Variants in LRP1B observed in about 807,000 individuals in gnomAD.
LRP1B encodes low-density lipoprotein receptor-related protein 1B.
A neutral mutation model predicts 556.6 loss-of-function variants in LRP1B; 217 were observed. The observed-to-expected ratio is 0.39, with a 90% CI of 0.35 to 0.44. The LOEUF is 0.44. Among genes scored for constraint, LRP1B ranks in the 20% least tolerant of loss-of-function variants. The pLI, the probability that LRP1B is intolerant of heterozygous loss-of-function variation, is 1.00. For synonymous variants in LRP1B, 2,047 were observed against 1,865.8 expected, an observed-to-expected ratio of 1.10 and a Z score of -2.50; for missense variants, 5,053 against 5,620.8, an observed-to-expected ratio of 0.90 and a Z score of 3.23.
intron 41 of LRP1B, among the ~76,000 whole-genome samples, chr2:140,657,618 CATATATACATACAT>C (rs1381113613): frequency 6.1e-5 from 7 of 115,694 alleles, no homozygotes; most frequent in East Asian, 2.2e-4. Context: ...TATATACATA[CATATATACATACAT>C]ATATATACAT....
At chr2:141,269,974 CAT>C (rs1188823596) in intron 3 of LRP1B, among the ~76,000 whole-genome samples, 2 of 152,008 alleles carry the variant, frequency 1.3e-5, no homozygotes, top group Non-Finnish European at 1.5e-5. Context: ...AAATTCCAAA[CAT>C]GTGTAAGTGG....
At chr2:142,064,505 T>C (rs1248756629) in intron 1 of LRP1B, among the ~76,000 whole-genome samples, 1 of 151,550 alleles carries the variant, frequency 6.6e-6, no homozygotes, top group East Asian at 1.9e-4. Context: ...ACTCTCTAAT[T>C]TTAATATCCA....
In LRP1B at chr2:142,105,204, C is replaced by T. The variant is rs77030370; in HGVS notation, c.82+25444G>A. Among the ~76,000 whole-genome samples the T allele has an allele frequency of 6.2e-3, 937 of 152,190 alleles. 10 individuals are homozygous for T. The highest frequency in any genetic ancestry group is 0.021 in the African/African-American group (864 of 41,538). On this transcript the variant is annotated intron_variant, in intron 1 of 90. Coordinates refer to ENST00000389484, the MANE Select transcript of LRP1B (RefSeq NM_018557.3). ...TCATCACTATCCCCAGATGTCCTGC[C>T]AAGGAACGTTTCATTTTATTCTAAA...
chr2:140,605,425 C>T (rs559900494), intron 41 of LRP1B, among the ~76,000 whole-genome samples: 1 of 152,218 alleles, frequency 6.6e-6, no homozygotes, highest in South Asian at 2.1e-4. Context: ...CATAACTGTG[C>T]TCTACTTTAA....
chr2:141,776,036 C>T (rs184616422), intron 2 of LRP1B, among the ~76,000 whole-genome samples: 2 of 151,870 alleles, frequency 1.3e-5, no homozygotes, highest in South Asian at 2.1e-4. Flanking sequence ...TTAGTAGAGA[C>T]GGGGTTTCAC....
intron 86 of LRP1B, among the ~76,000 whole-genome samples, chr2:140,260,652 G>A (rs980936773): frequency 2.0e-5 from 3 of 151,382 alleles, no homozygotes; most frequent in Admixed American, 2.0e-4. Context: ...TTGTTTCTGG[G>A]ATGAAAATCC....
At chr2:141,512,712 A>C (rs1465351473) in intron 2 of LRP1B, among the ~76,000 whole-genome samples, 1 of 152,174 alleles carries the variant, frequency 6.6e-6, no homozygotes, top group East Asian at 1.9e-4. Flanking sequence ...AAGGTGAGAA[A>C]AGCACTGTTA....
At chr2:141,462,497 G>T (rs6429883) in intron 3 of LRP1B, among the ~76,000 whole-genome samples, 35,684 of 150,918 alleles carry the variant, frequency 0.24, 5,303 homozygotes, top group East Asian at 0.52. Flanking sequence ...CTGTTGGGGG[G>T]TGGGGGTCAA....
At chr2:140,974,909 G>A (rs1696545574) in intron 18 of LRP1B, among the ~76,000 whole-genome samples, 1 of 152,192 alleles carries the variant, frequency 6.6e-6, no homozygotes, top group Non-Finnish European at 1.5e-5. Flanking sequence ...GAAATTGTGT[G>A]GTTCCTGAGA....
intron 1 of LRP1B, among the ~76,000 whole-genome samples, chr2:142,091,818 G>A (rs918196762): frequency 6.6e-5 from 10 of 152,206 alleles, no homozygotes; most frequent in East Asian, 1.9e-4. Flanking sequence ...TTGCAGCTAC[G>A]GATGAGCATG....
chr2:141,749,393 A>G (rs973043734), intron 2 of LRP1B, among the ~76,000 whole-genome samples: 2 of 152,162 alleles, frequency 1.3e-5, no homozygotes, highest in Non-Finnish European at 2.9e-5. Flanking sequence ...CAGAAACAAC[A>G]CAAGTCAAGA....
intron 18 of LRP1B, 84 bp downstream of exon 18, chr2:140,982,076 A>G (rs201554808): frequency 9.2e-7 from 1 of 1,086,166 alleles, no homozygotes; most frequent in East Asian, 2.4e-5. Context: ...ATAAAGAAAT[A>G]AATAGCCCTT....
At chr2:141,001,320 CT>C (rs57164437) in intron 15 of LRP1B, among the ~76,000 whole-genome samples, 147,718 of 151,510 alleles carry the variant, frequency 0.97, 72,115 homozygotes, top group Middle Eastern at 1. Flanking sequence ...AGCTGTCCAT[CT>C]TTTTTTTTTG....
At chr2:140,927,583 G>T (rs1200362071) in intron 20 of LRP1B, among the ~76,000 whole-genome samples, 7 of 151,440 alleles carry the variant, frequency 4.6e-5, no homozygotes, top group African/African-American at 1.7e-4. Context: ...TGTTCAGCCT[G>T]TTTGTTTTCT....
chr2:140,716,223 T>C (rs916384819), intron 36 of LRP1B, 121 bp from the exon 37 acceptor site: 11 of 665,726 alleles, frequency 1.7e-5, no homozygotes, highest in Middle Eastern at 4.6e-4. Context: ...CTTCCTACAT[T>C]CTTTTTAAAT....
chr2:140,380,750 C>T (rs1470059307), intron 67 of LRP1B, among the ~76,000 whole-genome samples: 1 of 152,118 alleles, frequency 6.6e-6, no homozygotes, highest in African/African-American at 2.4e-5. Flanking sequence ...GCAAAGGCTT[C>T]ACAGGCCTTG....
chr2:140,594,541 G>A (rs1008368452), intron 43 of LRP1B, among the ~76,000 whole-genome samples: 10 of 152,196 alleles, frequency 6.6e-5, no homozygotes, highest in Non-Finnish European at 1.5e-4. Context: ...GCATTCGAGG[G>A]CACACAAGGT....
rs201924373 is a variant in LRP1B at position 142,091,603 on chromosome 2, T to C, written c.82+39045A>G. Among the ~76,000 whole-genome samples, 21 of 152,252 alleles carry C rather than the reference T, an allele frequency of 1.4e-4. No individual in the cohort carries two copies. The East Asian group carries it at 4.1e-3, about 29-fold the overall frequency. On this transcript the variant is annotated intron_variant, in intron 1 of 90. Transcript: ENST00000389484. ...CTATAAGAAGATGGCTAGATTTCTT[T>C]CTATATGTGAAAACCCCTATTAGTT...
chr2:141,333,518 C>A (rs144194000), intron 3 of LRP1B, among the ~76,000 whole-genome samples: 2 of 152,094 alleles, frequency 1.3e-5, no homozygotes, highest in African/African-American at 4.8e-5. Context: ...ATCATACTGT[C>A]CAAGTCCTGA....
Sources: allele counts gnomAD v4.1 joint callset (sites outside exome capture counted in the v4.1 genomes callset), GRCh38; gene constraint gnomAD v4.1.1; transcripts MANE v1.5; gene names NCBI Gene and HGNC (gene_info 2026-07-23, HGNC 2026-07-21).